The following DIAPH2 variants were observed in gnomAD, a reference collection of about 807,000 sequenced individuals.
The protein encoded by DIAPH2 is diaphanous related formin 2.
A neutral mutation model predicts 92.7 loss-of-function variants in DIAPH2; 35 were observed. The ratio of observed to expected loss-of-function variants is 0.38; its 90% confidence interval spans 0.29 to 0.50. The LOEUF is 0.50. Ranked by LOEUF, DIAPH2 falls within the 20% of genes least tolerant of loss-of-function variation. The pLI, the probability that DIAPH2 is intolerant of heterozygous loss-of-function variation, is 0.94. For synonymous variants in DIAPH2, 301 were observed against 280.4 expected (o/e 1.07, Z -0.73); for missense variants, 701 against 819.5 (o/e 0.86, Z 1.77).
At chrX:96,884,663 C>T in intron 5 of DIAPH2, 1 of 1,210,447 alleles carries the variant, frequency 8.3e-7, no homozygotes, top group Non-Finnish European at 1.1e-6. Flanking sequence ...CAGGTGACTC[C>T]ATTGTCAGTC....
chrX:96,916,557 T>C lies in DIAPH2; in HGVS notation c.852T>C (p.Ile284=), dbSNP rs1466673261. 3 of 1,202,344 alleles carry C rather than the reference T, an allele frequency of 2.5e-6. No homozygotes were observed. Among genetic ancestry groups the C allele is most frequent in the Non-Finnish European group, 1.1e-6 (1 of 891,378 alleles). The part of the protein sequence containing the change: ...EIVKILSAIC[I]VGEENILDKL... ...TAAAAATACTTTCTGCTATTTGCAT[T>C]GTTGGAGAAGAGAACATGTAAGTAT... is the stretch of plus-strand genomic sequence containing the variant. The change falls in exon 8 of 27, where the codon ATT becomes ATC. Residue 284 remains isoleucine, a synonymous_variant. Transcript: ENST00000324765.
Position 96,689,851 on chromosome X carries a change from G to A in DIAPH2, c.132+4661G>A, listed in dbSNP as rs948163901. On this transcript the variant is annotated intron_variant, in intron 1 of 26. Coordinates refer to ENST00000324765, the MANE Select transcript of DIAPH2 (RefSeq NM_006729.5). ...ATTTTATGTCTATTCTTGAAAACCT[G>A]GCAGGCCGGTGCTTGGGTGCAAAAC... 1.1e-4 allele frequency among the ~76,000 whole-genome samples: 12 copies of A among 111,141 alleles called. 1 individual carries two copies. The highest frequency in any genetic ancestry group is 3.6e-4 in the African/African-American group (11 of 30,532).
intron 26 of DIAPH2, among the ~76,000 whole-genome samples, chrX:97,582,994 A>G (rs1414241041): frequency 1.5e-3 from 162 of 111,442 alleles, no homozygotes; most frequent in African/African-American, 4.7e-3. Flanking sequence ...CATTCTTCAC[A>G]TAGTTCTCGA....
chrX:97,462,690 G>A (rs5921829), intron 26 of DIAPH2, among the ~76,000 whole-genome samples: 5,951 of 111,203 alleles, frequency 0.054, 130 homozygotes, highest in African/African-American at 0.095. Context: ...AAAGGAATCC[G>A]ATGATGCTCA....
At chrX:96,843,237 G>A (rs1052262783) in intron 4 of DIAPH2, among the ~76,000 whole-genome samples, 4 of 111,466 alleles carry the variant, frequency 3.6e-5, no homozygotes, top group Admixed American at 1.9e-4. Context: ...CTCCTGGTTC[G>A]CCTTCCACCA....
intron 22 of DIAPH2, among the ~76,000 whole-genome samples, chrX:97,185,280 G>T (rs1482718697): frequency 1.6e-5 from 1 of 62,475 alleles, no homozygotes; most frequent in Non-Finnish European, 2.7e-5. Flanking sequence ...GGGAGACAGA[G>T]TGAGACCCTG....
At chrX:97,183,311 G>A (rs1221651329) in intron 22 of DIAPH2, among the ~76,000 whole-genome samples, 1 of 111,290 alleles carries the variant, frequency 9.0e-6, no homozygotes, top group Admixed American at 9.6e-5. Flanking sequence ...ACTGCTGGCT[G>A]GCTCCTCCTT....
intron 3 of DIAPH2, among the ~76,000 whole-genome samples, chrX:96,740,940 C>A (rs2064115348): frequency 1.8e-5 from 2 of 110,831 alleles, no homozygotes; most frequent in African/African-American, 3.3e-5. Context: ...GAGCTCTTCC[C>A]CATCTTTATT....
chrX:97,206,932 T>C (rs1402455900), intron 22 of DIAPH2, among the ~76,000 whole-genome samples: 4 of 111,271 alleles, frequency 3.6e-5, no homozygotes, highest in African/African-American at 1.3e-4. Flanking sequence ...ATTCTATAAT[T>C]CTATTACCAA....
At chrX:97,194,341 G>GC in intron 22 of DIAPH2, among the ~76,000 whole-genome samples, 1 of 105,854 alleles carries the variant, frequency 9.4e-6, no homozygotes, top group Non-Finnish European at 2.0e-5. Context: ...GAGTGCAGTG[G>GC]CGTGATCTTG....
chrX:97,212,986 A>G (rs1489362964), intron 22 of DIAPH2, among the ~76,000 whole-genome samples: 1 of 111,808 alleles, frequency 8.9e-6, no homozygotes, highest in Non-Finnish European at 1.9e-5. Context: ...TTAATTTTGT[A>G]TATATGCTTT....
chrX:97,207,490 A>G (rs1452655337), intron 22 of DIAPH2, among the ~76,000 whole-genome samples: 1 of 111,883 alleles, frequency 8.9e-6, no homozygotes, highest in Admixed American at 9.5e-5. Context: ...TAAGGACTTT[A>G]TATGAATTAA....
intron 26 of DIAPH2, among the ~76,000 whole-genome samples, chrX:97,515,163 T>C (rs1379456207): frequency 8.9e-6 from 1 of 111,945 alleles, no homozygotes; most frequent in Non-Finnish European, 1.9e-5. Flanking sequence ...ATCAGCGAGA[T>C]TCCGTGGGCG....
At chrX:97,242,337 GA>G (rs1441000542) in intron 22 of DIAPH2, among the ~76,000 whole-genome samples, 2 of 110,076 alleles carry the variant, frequency 1.8e-5, no homozygotes, top group Non-Finnish European at 3.8e-5. Context: ...GCAGGTAAAT[GA>G]ATTGCTCATT....
chrX:97,351,807 C>A (rs761333908), intron 24 of DIAPH2, among the ~76,000 whole-genome samples: 261 of 109,417 alleles, frequency 2.4e-3, no homozygotes, highest in African/African-American at 7.2e-3. Context: ...CGTCTCAAAA[C>A]AAAACAAAAC....
At chrX:96,916,718 T>A in intron 8 of DIAPH2, 144 bp downstream of exon 8, 1 of 624,863 alleles carries the variant, frequency 1.6e-6, no homozygotes, top group Non-Finnish European at 2.3e-6. Flanking sequence ...TTATCTTGCC[T>A]GTTTATATTT....
chrX:96,811,250 T>A lies in DIAPH2; in HGVS notation c.447+52992T>A, dbSNP rs376848107. Among the ~76,000 whole-genome samples, 27 of 111,603 alleles carry A rather than the reference T, an allele frequency of 2.4e-4. No homozygotes were observed. The East Asian group carries it at 6.8e-3, about 28-fold the overall frequency. On this transcript the variant is annotated intron_variant, in intron 4 of 26. Coordinates refer to ENST00000324765, the MANE Select transcript of DIAPH2 (RefSeq NM_006729.5). Reference sequence around the variant, plus strand: ...TCCTTCACATCCCTTGTAAGTTGGATTCCTAGGTATTTTATTCTCTTTGAA... The same window carrying A: ...TCCTTCACATCCCTTGTAAGTTGGAATCCTAGGTATTTTATTCTCTTTGAA...
Position 96,942,194 on chromosome X carries a change from G to A in DIAPH2, c.1444+58G>A. On this transcript the variant is annotated intron_variant, in intron 13 of 26. Transcript: ENST00000324765. The stretch of plus-strand genomic sequence containing the variant: ...GTGTTTTGTGCCTTCTGTATTATAA[G>A]CACTTTTTAAGTGAAGAAGTTCAGT... 5.7e-6 allele frequency: 4 copies of A among 706,817 alleles called. No homozygotes were observed. In the South Asian group the frequency reaches 9.1e-5, roughly 16 times the overall value. The allele number at this position is 706,817 out of a possible 1,213,427, so 58.2% of individuals were successfully genotyped here.
intron 3 of DIAPH2, among the ~76,000 whole-genome samples, chrX:96,754,228 A>C (rs897790647): frequency 9.0e-6 from 1 of 111,654 alleles, no homozygotes; most frequent in African/African-American, 3.3e-5. Context: ...GACTTCTCTG[A>C]CCTTTCCATC....
Sources: gnomAD v4.1 joint callset for allele counts (sites outside exome capture counted in the v4.1 genomes callset) on GRCh38, gnomAD v4.1.1 for gene constraint, MANE v1.5 for transcripts, NCBI Gene and HGNC (gene_info 2026-07-23, HGNC 2026-07-21) for gene names.